TMBIM6: variants seen among roughly 807,000 people sequenced by gnomAD.
TMBIM6 encodes transmembrane BAX inhibitor motif containing 6.
A neutral mutation model predicts 31.4 loss-of-function variants in TMBIM6; 13 were observed. The observed-to-expected ratio is 0.41, with a 90% CI of 0.27 to 0.66. The LOEUF (loss-of-function observed/expected upper bound fraction) is 0.66, where lower values mean the gene tolerates loss of function less well. Among genes scored for constraint, TMBIM6 ranks in the 30% least tolerant of loss-of-function variants. The pLI is 0.28. For missense variants in TMBIM6, 275 were observed against 289.5 expected (o/e 0.95, Z 0.36); for synonymous variants, 85 against 101.7 (o/e 0.84, Z 0.99).
chr12:49,759,182 C>T (rs1397846479), intron 7 of TMBIM6, 39 bp from the exon 8 acceptor site: 6 of 1,557,322 alleles, frequency 3.9e-6, no homozygotes, highest in Admixed American at 1.7e-5. Flanking sequence ...TTCTCTGCAA[C>T]TTCTGCTGTA....
At chr12:49,758,324 C>A in intron 5 of TMBIM6, 49 bp downstream of exon 5, 2 of 1,613,144 alleles carry the variant, frequency 1.2e-6, no homozygotes, top group Non-Finnish European at 1.7e-6. Flanking sequence ...ATGAATATAC[C>A]TTCTAAATGT....
chr12:49,745,724 CAAAAA>C, intron 1 of TMBIM6, among the ~76,000 whole-genome samples: 2 of 114,124 alleles, frequency 1.8e-5, no homozygotes, highest in East Asian at 4.3e-4. Context: ...GACTCTGTCT[CAAAAA>C]AAAAAACCCA....
chr12:49,762,802 GCTCA>G, intron 9 of TMBIM6, 67 bp from the exon 10 acceptor site: 1 of 1,427,908 alleles, frequency 7.0e-7, no homozygotes, highest in Non-Finnish European at 9.9e-7. Context: ...CTAACTAAAT[GCTCA>G]CTCAAGAGTT....
Position 49,745,724 on chromosome 12 carries a change from C to CAAAAAAAAAAAAA in TMBIM6, c.-31+4124_-31+4125insAAAAAAAAAAAAA, listed in dbSNP as rs761232522. Among the ~76,000 whole-genome samples, 51 of 114,108 alleles carry CAAAAAAAAAAAAA rather than the reference C, an allele frequency of 4.5e-4. No individual in the cohort carries two copies. The South Asian group carries it at 7.6e-3, about 17-fold the overall frequency. 74.9% of individuals were successfully genotyped at this position (114,108 alleles called of 152,430 possible). The stretch of plus-strand genomic sequence containing the variant: ...TGGGCAACAGAGCGAGACTCTGTCT[C>CAAAAAAAAAAAAA]AAAAAAAAAAACCCAGCACATTTAG... On this transcript the variant is annotated intron_variant, in intron 1 of 9. Transcript: ENST00000267115.
At position 49,755,677 on chromosome 12, in the gene TMBIM6, T is replaced by C. The variant is rs1221193490; in HGVS notation, c.208T>C (p.Trp70Arg). ...SALGSLILMI[W>R]LMATPHSHET... ...CTTGGGCTCCCTGATATTGATGATT[T>C]GGCTGATGGCAACACCTCATAGCCA... is the stretch of plus-strand genomic sequence containing the variant. Residue 70 changes from tryptophan (W) to arginine (R), a missense_variant, in exon 4 of 10, where the codon TGG becomes CGG. By Grantham distance (101) the Trp-to-Arg change is moderately radical. Transcript: ENST00000267115. 9 of 1,614,190 alleles carry C rather than the reference T, an allele frequency of 5.6e-6. No homozygotes were observed. Among genetic ancestry groups the C allele is most frequent in the Non-Finnish European group, 7.6e-6 (9 of 1,180,008 alleles).
chr12:49,752,827 G>A (rs1341603447), intron 2 of TMBIM6, 146 bp from the exon 3 acceptor site: 1 of 820,910 alleles, frequency 1.2e-6, no homozygotes, highest in East Asian at 2.7e-5. Context: ...ATTTTTTATT[G>A]TAATATGCTT....
rs1945766069 is a variant in TMBIM6, at chr12:49,763,825, G to A, written c.*929G>A. On this transcript the variant is annotated 3_prime_UTR_variant, in exon 10 of 10. Coordinates refer to ENST00000267115, the MANE Select transcript of TMBIM6 (RefSeq NM_003217.3). Reference sequence around the variant, plus strand: ...CCAGACCTGTTTGGGGCAGTGGGGAGCAAACCTAGATAAGGACCTGTTTGG... The same window carrying A: ...CCAGACCTGTTTGGGGCAGTGGGGAACAAACCTAGATAAGGACCTGTTTGG... 6.6e-6 allele frequency: 1 copy of A among 152,168 alleles called. No homozygotes were observed. Among genetic ancestry groups the A allele is most frequent in the African/African-American group, 2.4e-5 (1 of 41,420 alleles). 9.4% of individuals were successfully genotyped at this position (152,168 alleles called of 1,614,324 possible).
chr12:49,752,861 T>A, intron 2 of TMBIM6, 112 bp from the exon 3 acceptor site: 1 of 1,020,756 alleles, frequency 9.8e-7, no homozygotes, highest in South Asian at 1.6e-5. Flanking sequence ...TCAAACTATT[T>A]GTAACAGAAC....
At chr12:49,742,195 G>C (rs1465168845) in intron 1 of TMBIM6, 1 of 1,613,110 alleles carries the variant, frequency 6.2e-7, no homozygotes. Flanking sequence ...CGGCAGAGGC[G>C]GGAAGTGAGA....
Position 49,762,990 on chromosome 12 carries a change from G to T in TMBIM6, c.*94G>T, listed in dbSNP as rs1379089233. On this transcript the variant is annotated 3_prime_UTR_variant, in exon 10 of 10. Coordinates refer to ENST00000267115, the MANE Select transcript of TMBIM6 (RefSeq NM_003217.3). ...TACAGGTGGTGTGTTCTGTGATAAT[G>T]AAAAGCATCAGAAAAGCTTTTGTAC... The T allele has an allele frequency of 5.9e-6, 8 of 1,351,488 alleles. No homozygotes were observed. In the East Asian group the frequency reaches 1.6e-4, roughly 28 times the overall value. The allele number at this position is 1,351,488 out of a possible 1,614,324, so 83.7% of individuals were successfully genotyped here.
chr12:49,756,776 G>T (rs1439264826), intron 4 of TMBIM6, among the ~76,000 whole-genome samples: 4 of 142,392 alleles, frequency 2.8e-5, no homozygotes, highest in African/African-American at 1.1e-4. Context: ...CACTCTTGTT[G>T]CCCAGGCTGG....
chr12:49,752,846 G>T, intron 2 of TMBIM6, 127 bp from the exon 3 acceptor site: 1 of 901,588 alleles, frequency 1.1e-6, no homozygotes, highest in Non-Finnish European at 1.7e-6. Flanking sequence ...TTTCCTAAAA[G>T]TATTTCAAAC....
At chr12:49,744,092 A>G (rs949550371) in intron 1 of TMBIM6, among the ~76,000 whole-genome samples, 3 of 152,196 alleles carry the variant, frequency 2.0e-5, no homozygotes, top group African/African-American at 7.2e-5. Context: ...TTTTGAACTT[A>G]AAAAAGATGT....
chr12:49,757,368 C>T (rs931569961), intron 4 of TMBIM6, among the ~76,000 whole-genome samples: 35 of 152,210 alleles, frequency 2.3e-4, no homozygotes, highest in Middle Eastern at 6.8e-3. Flanking sequence ...CTTGAGAATC[C>T]GACATAGTTG....
chr12:49,755,902 T>G lies in TMBIM6; in HGVS notation c.286+147T>G, dbSNP rs1189749576. ...AGGCCAGAGTGCAGTGGCTTGATCT[T>G]GGCTCACTGCAAGCTCCGCCTCCCA... is the stretch of plus-strand genomic sequence containing the variant. On this transcript the variant is annotated intron_variant, in intron 4 of 9. Coordinates refer to ENST00000267115, the MANE Select transcript of TMBIM6 (RefSeq NM_003217.3). The G allele has an allele frequency of 6.5e-6, 6 of 919,200 alleles. No individual in the cohort carries two copies. In the East Asian group the frequency reaches 1.4e-4, roughly 21 times the overall value. 56.9% of individuals were successfully genotyped at this position (919,200 alleles called of 1,614,324 possible).
intron 1 of TMBIM6, among the ~76,000 whole-genome samples, chr12:49,743,869 A>G (rs1046238507): frequency 2.7e-5 from 4 of 149,792 alleles, no homozygotes; most frequent in Non-Finnish European, 4.4e-5. Flanking sequence ...ATGTTGGTCA[A>G]ATCAATACTA....
intron 1 of TMBIM6, chr12:49,744,594 T>C (rs1415635662): frequency 6.6e-6 from 1 of 152,200 alleles, no homozygotes; most frequent in Non-Finnish European, 1.5e-5. Flanking sequence ...GTTACAGCAC[T>C]CTTGATCTGA....
In TMBIM6 at chr12:49,763,267, A is replaced by ACCCGG. The variant is rs1945754409; in HGVS notation, c.*375_*379dup. The stretch of plus-strand genomic sequence containing the variant: ...TGGACCTGAACTGTTTGGTAGAGCC[A>ACCCGG]CCCGGCCCTTCCTTCCTCATTGTTG... On this transcript the variant is annotated 3_prime_UTR_variant, in exon 10 of 10. Transcript: ENST00000267115. The ACCCGG allele has an allele frequency of 5.4e-6, 1 of 185,240 alleles. No individual in the cohort carries two copies. The highest frequency in any genetic ancestry group is 5.5e-5 in the Admixed American group (1 of 18,224). 11.5% of individuals were successfully genotyped at this position (185,240 alleles called of 1,614,324 possible).
At chr12:49,751,963 A>T (rs143185797) in intron 1 of TMBIM6, among the ~76,000 whole-genome samples, 87 of 152,044 alleles carry the variant, frequency 5.7e-4, no homozygotes, top group African/African-American at 1.7e-3. Context: ...GGGTTTCACC[A>T]TGTTGGCCAG....
Sources: gnomAD v4.1 joint callset for allele counts (sites outside exome capture counted in the v4.1 genomes callset) on GRCh38, gnomAD v4.1.1 for gene constraint, MANE v1.5 for transcripts, NCBI Gene and HGNC (gene_info 2026-07-23, HGNC 2026-07-21) for gene names.